Variants in SND1 observed in about 807,000 individuals in gnomAD.
SND1 encodes the protein staphylococcal nuclease and tudor domain containing 1.
SND1 carries 38 observed loss-of-function variants against 121.7 expected under a neutral mutation model. The observed-to-expected ratio is 0.31, with a 90% CI of 0.24 to 0.41. The LOEUF (loss-of-function observed/expected upper bound fraction) is 0.41, where lower values mean the gene tolerates loss of function less well. SND1 is among the 10% of genes least tolerant of loss of function. The pLI is 1.00. For missense variants in SND1, 868 were observed against 1,184.6 expected, an observed-to-expected ratio of 0.73 and a Z score of 3.92; for synonymous variants, 401 against 447.4, an observed-to-expected ratio of 0.90 and a Z score of 1.31.
chr7:128,032,026 C>T (rs1372880885), intron 16 of SND1: 1 of 151,766 alleles, frequency 6.6e-6, no homozygotes, highest in Non-Finnish European at 1.5e-5. Context: ...GTCTCCTCCT[C>T]GCGCCGGGCT....
intron 12 of SND1, chr7:127,857,954 A>G (rs1344422392): frequency 7.3e-7 from 1 of 1,370,560 alleles, no homozygotes; most frequent in Admixed American, 1.7e-5. Flanking sequence ...TCGCTCACCC[A>G]GGTCTGCATC....
chr7:128,030,458 G>A, intron 16 of SND1: 1 of 1,613,556 alleles, frequency 6.2e-7, no homozygotes, highest in South Asian at 1.1e-5. Context: ...CCCGGCGCGT[G>A]CACACCACCT....
chr7:127,923,999 C>A (rs889645121), intron 14 of SND1, among the ~76,000 whole-genome samples: 153 of 148,190 alleles, frequency 1.0e-3, no homozygotes, highest in African/African-American at 3.5e-3. Context: ...TTTTTTTTTT[C>A]CTGTGTCTGT....
chr7:127,869,674 A>G (rs1430468837), intron 12 of SND1, among the ~76,000 whole-genome samples: 1 of 152,156 alleles, frequency 6.6e-6, no homozygotes, highest in African/African-American at 2.4e-5. Flanking sequence ...GTACAATATC[A>G]AAACCAGGAA....
chr7:127,708,969 G>T (rs1044404580), intron 9 of SND1, among the ~76,000 whole-genome samples: 6 of 152,202 alleles, frequency 3.9e-5, no homozygotes, highest in Non-Finnish European at 8.8e-5. Flanking sequence ...TGAGGAACTG[G>T]CTAAATTTCT....
At chr7:127,680,424 A>T (rs1795698707) in intron 1 of SND1, among the ~76,000 whole-genome samples, 1 of 152,086 alleles carries the variant, frequency 6.6e-6, no homozygotes, top group Non-Finnish European at 1.5e-5. Context: ...GGCTTATTTC[A>T]TCCCTACAGT....
chr7:127,871,227 T>C (rs968959603), intron 12 of SND1, among the ~76,000 whole-genome samples: 1 of 152,196 alleles, frequency 6.6e-6, no homozygotes, highest in Non-Finnish European at 1.5e-5. Context: ...TTACAGTTAA[T>C]TTCTTTAAGT....
At chr7:128,075,471 G>A (rs1793491918) in intron 17 of SND1, among the ~76,000 whole-genome samples, 2 of 152,200 alleles carry the variant, frequency 1.3e-5, no homozygotes, top group South Asian at 4.1e-4. Context: ...ACTTCCCAGA[G>A]CTAAGGCCCG....
At chr7:127,818,994 T>C (rs1798497818) in intron 11 of SND1, among the ~76,000 whole-genome samples, 1 of 152,134 alleles carries the variant, frequency 6.6e-6, no homozygotes, top group Non-Finnish European at 1.5e-5. Context: ...AGTGAGAAAA[T>C]CATAATTTGA....
chr7:127,937,489 CCTCT>C (rs1376145851), intron 15 of SND1, among the ~76,000 whole-genome samples: 1 of 151,678 alleles, frequency 6.6e-6, no homozygotes, highest in African/African-American at 2.4e-5. Flanking sequence ...TGTCCCTTCT[CCTCT>C]CTCTCTCCCT....
intron 15 of SND1, among the ~76,000 whole-genome samples, chr7:127,941,896 T>TG (rs1232003594): frequency 3.5e-5 from 5 of 144,856 alleles, no homozygotes; most frequent in African/African-American, 7.8e-5. Context: ...GGAGTTTTTT[T>TG]TTTTTTTTTT....
chr7:127,734,807 T>C (rs150842893), intron 10 of SND1, among the ~76,000 whole-genome samples: 1 of 152,326 alleles, frequency 6.6e-6, no homozygotes, highest in African/African-American at 2.4e-5. Context: ...GCTCTGAGCA[T>C]TACAGGATGA....
At chr7:128,074,466 G>T (rs778557364) in intron 16 of SND1, 36 bp from the exon 17 acceptor site, 3 of 1,577,796 alleles carry the variant, frequency 1.9e-6, no homozygotes, top group Non-Finnish European at 2.6e-6. Context: ...ACTCAGGCCT[G>T]GCCCCCACAG....
chr7:128,052,345 C>T lies in SND1; in HGVS notation c.1780-22157C>T, dbSNP rs1024091319. On this transcript the variant is annotated intron_variant, in intron 16 of 23. Coordinates refer to ENST00000354725, the MANE Select transcript of SND1 (RefSeq NM_014390.4). This position sits in a 1 kb window ranked among gnomAD's most constrained non-coding sequence, Gnocchi z 4.6. ...TCAGCTGTCTGGACAAGCTCCCATT[C>T]TGGCAGCTTGTCCATCAAGGTTGGA... is the stretch of plus-strand genomic sequence containing the variant. Among the ~76,000 whole-genome samples, 1 of 152,192 alleles carries T rather than the reference C, an allele frequency of 6.6e-6. No individual in the cohort carries two copies. The highest frequency in any genetic ancestry group is 1.5e-5 in the Non-Finnish European group (1 of 68,028).
At chr7:127,772,369 G>A (rs1415441525) in intron 10 of SND1, among the ~76,000 whole-genome samples, 1 of 152,156 alleles carries the variant, frequency 6.6e-6, no homozygotes, top group Non-Finnish European at 1.5e-5. Flanking sequence ...AACCCTTACT[G>A]TAAATAGCGG....
At chr7:127,987,896 T>A (rs922442386) in intron 15 of SND1, among the ~76,000 whole-genome samples, 2 of 152,110 alleles carry the variant, frequency 1.3e-5, no homozygotes, top group Non-Finnish European at 2.9e-5. Flanking sequence ...TGGCCTCCAA[T>A]AAAAATAACC....
chr7:127,841,925 A>G (rs1798973174), intron 11 of SND1, among the ~76,000 whole-genome samples: 1 of 152,174 alleles, frequency 6.6e-6, no homozygotes, highest in Non-Finnish European at 1.5e-5. Flanking sequence ...CTATGACCAT[A>G]CTTCTCATAA....
intron 2 of SND1, 194 bp from the exon 3 acceptor site, chr7:127,694,634 C>A (rs1795976360): frequency 1.8e-6 from 1 of 558,936 alleles, no homozygotes. Flanking sequence ...ACTGCTGGAC[C>A]CTCCTTTTTT....
Position 127,904,950 on chromosome 7 carries a change from C to T in SND1, c.1527+131C>T, listed in dbSNP as rs1476945372. 1.9e-5 allele frequency: 12 copies of T among 628,834 alleles called. No homozygotes were observed. In the East Asian group the frequency reaches 3.0e-4, roughly 16 times the overall value. 39.0% of individuals were successfully genotyped at this position (628,834 alleles called of 1,614,324 possible). A position where few individuals can be genotyped will look rare whatever the true frequency, so the allele number is the denominator to read the frequency against. On this transcript the variant is annotated intron_variant, in intron 14 of 23. Transcript: ENST00000354725. ...TTCAGGCACTGACTGTGACTTTTCC[C>T]CACCCCGGGGCATCTACTTAGGTAT...
Sources: gnomAD v4.1 joint callset for allele counts (sites outside exome capture counted in the v4.1 genomes callset) on GRCh38, gnomAD v4.1.1 for gene constraint, Gnocchi (gnomAD v3.1) non-coding constraint, MANE v1.5 for transcripts, NCBI Gene and HGNC (gene_info 2026-07-23, HGNC 2026-07-21) for gene names.